The following CALCRL variants were observed in gnomAD, a reference collection of about 807,000 sequenced individuals.
CALCRL encodes the protein calcitonin gene-related peptide type 1 receptor.
CALCRL carries 27 observed loss-of-function variants against 60.4 expected under a neutral mutation model. That is an observed-to-expected ratio of 0.45 (90% CI 0.33 to 0.62). The LOEUF is 0.62. Among genes scored for constraint, CALCRL ranks in the 20% least tolerant of loss-of-function variants. The pLI, the probability that CALCRL is intolerant of heterozygous loss-of-function variation, is 0.03. For missense variants in CALCRL, 424 were observed against 540.7 expected, an observed-to-expected ratio of 0.78 and a Z score of 2.14; for synonymous variants, 190 against 182.6, an observed-to-expected ratio of 1.04 and a Z score of -0.33.
At chr2:187,401,221 G>A (rs1192645288) in intron 1 of CALCRL, among the ~76,000 whole-genome samples, 1 of 151,492 alleles carries the variant, frequency 6.6e-6, no homozygotes, top group Non-Finnish European at 1.5e-5. Context: ...TGTATCTAAG[G>A]AAAGACTTAA....
At position 187,442,587 on chromosome 2, in the gene CALCRL, G is replaced by T. The variant is rs144771969; in HGVS notation, c.-293+5452C>A. ...GTCTTCCATTAGGTGGCAGTAATAA[G>T]TTCCTATAATAAGAACTTTAAAAAA... On this transcript the variant is annotated intron_variant, in intron 1 of 14. Transcript: ENST00000392370. Among the ~76,000 whole-genome samples, 705 of 151,728 alleles carry T rather than the reference G, an allele frequency of 4.6e-3. 5 individuals are homozygous for T. Among genetic ancestry groups the T allele is most frequent in the African/African-American group, 0.016 (671 of 41,422 alleles).
Position 187,351,506 on chromosome 2 carries a change from T to C in CALCRL, c.1170+414A>G, listed in dbSNP as rs551363530. 9.8e-4 allele frequency among the ~76,000 whole-genome samples: 149 copies of C among 151,902 alleles called. 1 individual carries two copies. The highest frequency in any genetic ancestry group is 3.6e-3 in the African/African-American group (149 of 41,500). ...CGTATTTGCCATAAAGTTGTTTCCA[T>C]AGGCTACATTGTAAGACAGGCAAAA... On this transcript the variant is annotated intron_variant, in intron 14 of 14. Transcript: ENST00000392370.
chr2:187,351,800 G>C, intron 14 of CALCRL, 120 bp downstream of exon 14: 2 of 663,490 alleles, frequency 3.0e-6, no homozygotes, highest in Non-Finnish European at 5.1e-6. Context: ...TTCCCTGATG[G>C]AAACAGAATT....
intron 1 of CALCRL, among the ~76,000 whole-genome samples, chr2:187,408,389 A>G (rs138894112): frequency 2.6e-5 from 4 of 152,192 alleles, no homozygotes; most frequent in African/African-American, 9.6e-5. Flanking sequence ...GCATGACAGT[A>G]TATATTAAAG....
intron 1 of CALCRL, among the ~76,000 whole-genome samples, chr2:187,427,589 T>C (rs895586366): frequency 1.3e-5 from 2 of 152,190 alleles, no homozygotes; most frequent in Non-Finnish European, 2.9e-5. Flanking sequence ...AAATAATTGC[T>C]ATTACATTGG....
At chr2:187,352,803 C>G (rs1686592902) in intron 12 of CALCRL, among the ~76,000 whole-genome samples, 1 of 151,770 alleles carries the variant, frequency 6.6e-6, no homozygotes, top group Admixed American at 6.6e-5. Context: ...TCTTTCAAAC[C>G]AAAAACTTTC....
chr2:187,383,446 C>A, intron 4 of CALCRL, 141 bp from the exon 5 acceptor site: 1 of 594,778 alleles, frequency 1.7e-6, no homozygotes. Flanking sequence ...GGAAAAAACC[C>A]CAATTTGTAG....
At chr2:187,425,259 A>G (rs1394158092) in intron 1 of CALCRL, among the ~76,000 whole-genome samples, 1 of 151,972 alleles carries the variant, frequency 6.6e-6, no homozygotes, top group Non-Finnish European at 1.5e-5. Flanking sequence ...TTGTTAATGT[A>G]TAGTGTTATT....
Position 187,352,213 on chromosome 2 carries a change from T to C in CALCRL, c.1029A>G (p.Pro343=), listed in dbSNP as rs1007201331. 1 of 1,612,338 alleles carries C rather than the reference T, an allele frequency of 6.2e-7. No homozygotes were observed. Among genetic ancestry groups the C allele is most frequent in the African/African-American group, 1.3e-5 (1 of 74,774 alleles). ...TCAGCACAAATTCAATGCCAAGCAA[T>C]GGCACCAAGATAAGAGTAGCTCTCA... is the stretch of plus-strand genomic sequence containing the variant. ...KAVRATLILV[P]LLGIEFVLIP... is the part of the protein sequence containing the mutation. Residue 343 remains proline (P), a synonymous_variant, in exon 13 of 15, where the codon CCA becomes CCG. Coordinates refer to ENST00000392370, the MANE Select transcript of CALCRL (RefSeq NM_005795.6).
At chr2:187,359,804 T>C (rs1265098615) in intron 10 of CALCRL, among the ~76,000 whole-genome samples, 1 of 152,074 alleles carries the variant, frequency 6.6e-6, no homozygotes, top group Non-Finnish European at 1.5e-5. Context: ...AAATATGTAA[T>C]TAAGCAATGC....
At chr2:187,435,169 C>T (rs1690576907) in intron 1 of CALCRL, among the ~76,000 whole-genome samples, 11 of 152,128 alleles carry the variant, frequency 7.2e-5, no homozygotes, top group Admixed American at 7.2e-4. Flanking sequence ...GTTGAATTGG[C>T]TCACGGTTCT....
At chr2:187,443,758 ACT>A (rs949774956) in intron 1 of CALCRL, among the ~76,000 whole-genome samples, 1 of 151,506 alleles carries the variant, frequency 6.6e-6, no homozygotes, top group Admixed American at 6.6e-5. Flanking sequence ...CATGGTTTTA[ACT>A]CTCTTTGTCT....
In CALCRL at chr2:187,346,141, G is replaced by A. The variant is rs199902996; in HGVS notation, c.*43C>T. 7 of 1,304,602 alleles carry A rather than the reference G, an allele frequency of 5.4e-6. No homozygotes were observed. Among genetic ancestry groups the A allele is most frequent in the East Asian group, 2.5e-5 (1 of 40,482 alleles). 80.8% of individuals were successfully genotyped at this position (1,304,602 alleles called of 1,614,324 possible). On this transcript the variant is annotated 3_prime_UTR_variant, in exon 15 of 15. Transcript: ENST00000392370. Reference sequence around the variant, plus strand: ...CAGAGTCATGGGTCCAAGTCCTTGAGTTAGGAGAAGCACAAAACAGTGAGA... The same window carrying A: ...CAGAGTCATGGGTCCAAGTCCTTGAATTAGGAGAAGCACAAAACAGTGAGA...
chr2:187,421,965 A>G (rs962919670), intron 1 of CALCRL, among the ~76,000 whole-genome samples: 1 of 152,224 alleles, frequency 6.6e-6, no homozygotes, highest in African/African-American at 2.4e-5. Flanking sequence ...GGAGTGTAAT[A>G]GGAAGTGGAC....
chr2:187,388,504 G>T (rs540919030), intron 1 of CALCRL, among the ~76,000 whole-genome samples: 1 of 152,010 alleles, frequency 6.6e-6, no homozygotes, highest in South Asian at 2.1e-4. Context: ...GAATGATACT[G>T]GACACTACAG....
intron 1 of CALCRL, among the ~76,000 whole-genome samples, chr2:187,402,845 G>A (rs756664223): frequency 6.6e-6 from 1 of 151,790 alleles, no homozygotes; most frequent in Non-Finnish European, 1.5e-5. Context: ...AAATTATGCA[G>A]TAGAGCCATA....
At chr2:187,367,294 G>A (rs968483145) in intron 8 of CALCRL, among the ~76,000 whole-genome samples, 1 of 151,950 alleles carries the variant, frequency 6.6e-6, no homozygotes, top group Admixed American at 6.6e-5. Context: ...CTGGACCATC[G>A]CCACATCATT....
intron 14 of CALCRL, among the ~76,000 whole-genome samples, chr2:187,350,537 G>T (rs759405578): frequency 6.8e-4 from 102 of 150,964 alleles, no homozygotes; most frequent in Admixed American, 4.6e-4. Context: ...ACAATGTGTG[G>T]CAACTCTACA....
At chr2:187,347,538 T>C (rs1367231956) in intron 14 of CALCRL, among the ~76,000 whole-genome samples, 2 of 151,874 alleles carry the variant, frequency 1.3e-5, no homozygotes, top group African/African-American at 4.8e-5. Flanking sequence ...CTCAACTTTC[T>C]CTTCACTATA....
Sources: allele counts gnomAD v4.1 joint callset (sites outside exome capture counted in the v4.1 genomes callset), GRCh38; gene constraint gnomAD v4.1.1; transcripts MANE v1.5; gene names NCBI Gene and HGNC (gene_info 2026-07-23, HGNC 2026-07-21).